Variants in BRD8 observed in about 807,000 individuals in gnomAD.
The protein encoded by BRD8 is bromodomain-containing protein 8.
A neutral mutation model predicts 143.1 loss-of-function variants in BRD8; 67 were observed. The ratio of observed to expected loss-of-function variants is 0.47; its 90% CI spans 0.38 to 0.57. The LOEUF is 0.57. BRD8 is among the 20% of genes least tolerant of loss of function. The pLI, the probability that BRD8 is intolerant of heterozygous loss-of-function variation, is 0.00. For synonymous variants in BRD8, 505 were observed against 517.1 expected, an observed-to-expected ratio of 0.98 and a Z score of 0.32; for missense variants, 1,103 against 1,503.0, an observed-to-expected ratio of 0.73 and a Z score of 4.40.
rs757385474 is a variant in BRD8, at chr5:138,169,333, G to C, written c.531C>G (p.Pro177=). The change falls in exon 8 of 27, where the codon CCC becomes CCG. Residue 177 remains proline (P), a synonymous_variant. Transcript: ENST00000254900. ...YQARQAVKTP[P]RRLPTVMVRS... ...GAACCATCACAGTGGGTAACCTCCG[G>C]GGGGGTGTTTTTACTGCTTGACGAG... is the stretch of plus-strand genomic sequence containing the variant. 6.2e-6 allele frequency: 10 copies of C among 1,613,964 alleles called. No individual in the cohort carries two copies. Among genetic ancestry groups the C allele is most frequent in the Non-Finnish European group, 6.8e-6 (8 of 1,179,984 alleles).
At chr5:138,160,696 G>A (rs1395615282) in intron 18 of BRD8, among the ~76,000 whole-genome samples, 195 bp downstream of exon 18, 1 of 152,008 alleles carries the variant, frequency 6.6e-6, no homozygotes, top group Admixed American at 6.5e-5. Context: ...GCCCAAGAAA[G>A]GTAGAATATT....
Position 138,169,369 on chromosome 5 carries a change from A to G in BRD8, c.506-11T>C. 6.2e-7 allele frequency: 1 copy of G among 1,612,158 alleles called. No individual in the cohort carries two copies. The highest frequency in any genetic ancestry group is 8.5e-7 in the Non-Finnish European group (1 of 1,179,294). On this transcript the variant is annotated splice_polypyrimidine_tract_variant and intron_variant, in intron 7 of 26. Transcript: ENST00000254900. Reference sequence around the variant, plus strand: ...TTACTGCTTGACGAGCTAGAACATAAAAGAGAACAATGTCCAAATCTTCAA... The same window carrying G: ...TTACTGCTTGACGAGCTAGAACATAGAAGAGAACAATGTCCAAATCTTCAA...
intron 2 of BRD8, among the ~76,000 whole-genome samples, chr5:138,176,783 A>G (rs1159412608): frequency 1.3e-5 from 2 of 152,086 alleles, no homozygotes; most frequent in East Asian, 3.9e-4. Flanking sequence ...TATGTGAATT[A>G]TATCTCAATA....
chr5:138,142,624 G>A (rs903040082), intron 25 of BRD8, among the ~76,000 whole-genome samples: 1 of 151,860 alleles, frequency 6.6e-6, no homozygotes, highest in South Asian at 2.1e-4. Context: ...TTAGCTGGGC[G>A]TGGTGACGTG....
At chr5:138,175,591 A>G (rs906706868) in intron 2 of BRD8, among the ~76,000 whole-genome samples, 1 of 151,854 alleles carries the variant, frequency 6.6e-6, no homozygotes, top group African/African-American at 2.4e-5. Flanking sequence ...TGTATTCCCA[A>G]CTACTCAGGA....
intron 13 of BRD8, 52 bp from the exon 14 acceptor site, chr5:138,164,185 T>C: frequency 6.3e-7 from 1 of 1,598,556 alleles, no homozygotes; most frequent in Non-Finnish European, 8.6e-7. Context: ...AGCCTTCCCC[T>C]TCCTATGGAC....
chr5:138,141,350 G>C (rs979743759), intron 25 of BRD8, among the ~76,000 whole-genome samples: 5 of 152,236 alleles, frequency 3.3e-5, no homozygotes, highest in African/African-American at 1.2e-4. Flanking sequence ...GGCTAGTCTC[G>C]AACTCCTAGC....
At chr5:138,154,906 T>C (rs1246144242) in intron 20 of BRD8, among the ~76,000 whole-genome samples, 1 of 150,906 alleles carries the variant, frequency 6.6e-6, no homozygotes, top group Non-Finnish European at 1.5e-5. Context: ...CTCGGATCAC[T>C]GCAACCTCTG....
At chr5:138,140,629 A>G (rs1206509397) in intron 26 of BRD8, 76 bp downstream of exon 26, 2 of 1,458,134 alleles carry the variant, frequency 1.4e-6, no homozygotes, top group African/African-American at 2.8e-5. Flanking sequence ...GAACACAGTC[A>G]CCTCGAAATC....
intron 8 of BRD8, chr5:138,168,791 A>G (rs1162988099): frequency 1.3e-5 from 9 of 687,764 alleles, no homozygotes; most frequent in Non-Finnish European, 2.0e-5. Context: ...ATTAGTCCTG[A>G]GTGGAATTGC....
intron 16 of BRD8, 94 bp from the exon 17 acceptor site, chr5:138,161,958 C>T: frequency 6.4e-7 from 1 of 1,555,480 alleles, no homozygotes; most frequent in Non-Finnish European, 8.9e-7. Flanking sequence ...AGAACTAATA[C>T]CAGCAGTTCC....
chr5:138,147,272 GA>G, intron 23 of BRD8, among the ~76,000 whole-genome samples: 1 of 144,920 alleles, frequency 6.9e-6, no homozygotes. Flanking sequence ...GTCTCTATGA[GA>G]AAAAAAAGAA....
At chr5:138,162,239 C>T in intron 15 of BRD8, 93 bp from the exon 16 acceptor site, 1 of 1,004,336 alleles carries the variant, frequency 1.0e-6, no homozygotes, top group East Asian at 2.5e-5. Context: ...TCACTCTGTC[C>T]CCCAGGCTGG....
intron 20 of BRD8, 115 bp from the exon 21 acceptor site, chr5:138,152,875 G>C (rs1561601978): frequency 9.3e-7 from 1 of 1,072,312 alleles, no homozygotes; most frequent in Non-Finnish European, 1.3e-6. Flanking sequence ...TTGTATTCAA[G>C]TATTCATCAT....
Position 138,166,080 on chromosome 5 carries a change from C to A in BRD8, c.1026G>T (p.Met342Ile), listed in dbSNP as rs1353351298. The change falls in exon 11 of 27, where the codon ATG (methionine) becomes ATT (isoleucine). Residue 342 changes from methionine to isoleucine, a missense_variant. By Grantham distance (10) the Met-to-Ile change is conservative. This residue lies in a region of BRD8 where 334 missense variants were observed against 372.5 expected (regional missense o/e 0.90). Transcript: ENST00000254900. ...PVSQPDNCVP[M>I]EAVGDPHTVT... ...CAGTATGTGGATCCCCCACAGCCTCCATGGGAACACAGTTGTCGGGTTGAC... is the reference window on the plus strand; with the variant it reads ...CAGTATGTGGATCCCCCACAGCCTCAATGGGAACACAGTTGTCGGGTTGAC... 6.2e-7 allele frequency: 1 copy of A among 1,613,590 alleles called. No homozygotes were observed. Among genetic ancestry groups the A allele is most frequent in the South Asian group, 1.1e-5 (1 of 91,082 alleles).
At chr5:138,153,004 T>C (rs151211697) in intron 20 of BRD8, among the ~76,000 whole-genome samples, 2 of 152,328 alleles carry the variant, frequency 1.3e-5, no homozygotes, top group East Asian at 3.9e-4. Context: ...TACAGTATAA[T>C]AGAGACATTA....
At chr5:138,172,293 G>A (rs1753929624) in intron 2 of BRD8, among the ~76,000 whole-genome samples, 159 bp from the exon 3 acceptor site, 1 of 151,742 alleles carries the variant, frequency 6.6e-6, no homozygotes, top group Non-Finnish European at 1.5e-5. Flanking sequence ...GGGAGGCCAA[G>A]ACGGGTGGAT....
In BRD8 at chr5:138,164,702, T is replaced by C; in HGVS notation, c.1731+12A>G. On this transcript the variant is annotated intron_variant, in intron 12 of 26. Coordinates refer to ENST00000254900, the MANE Select transcript of BRD8 (RefSeq NM_139199.2). Reference sequence around the variant, plus strand: ...AACCTCCATCTCCCCAGCCCCGATCTTTCTTAAGTACCTCTGTCTTCACAT... The same window carrying C: ...AACCTCCATCTCCCCAGCCCCGATCCTTCTTAAGTACCTCTGTCTTCACAT... 6.2e-7 allele frequency: 1 copy of C among 1,613,388 alleles called. No homozygotes were observed. The highest frequency in any genetic ancestry group is 1.3e-5 in the African/African-American group (1 of 74,972).
At chr5:138,160,283 A>C (rs1195722079) in intron 18 of BRD8, 110 bp from the exon 19 acceptor site, 1 of 738,844 alleles carries the variant, frequency 1.4e-6, no homozygotes, top group East Asian at 2.6e-5. Flanking sequence ...TTCTGGCTCA[A>C]ATATATTTTG....
Sources: gnomAD v4.1 joint callset for allele counts (sites outside exome capture counted in the v4.1 genomes callset) on GRCh38, gnomAD v4.1.1 for gene constraint, gnomAD v4.1.1 regional missense constraint, MANE v1.5 for transcripts, NCBI Gene and HGNC (gene_info 2026-07-23, HGNC 2026-07-21) for gene names.